The following FHOD3 variants were observed in gnomAD, a reference collection of about 807,000 sequenced individuals.
FHOD3 encodes formin homology 2 domain containing 3.
FHOD3 carries 90 observed loss-of-function variants against 173.0 expected under a neutral mutation model. That is an observed-to-expected ratio of 0.52 (90% CI 0.44 to 0.62). The LOEUF (loss-of-function observed/expected upper bound fraction) is 0.62, where lower values mean the gene tolerates loss of function less well. FHOD3 is among the 20% of genes least tolerant of loss of function. FHOD3 has a pLI of 0.00. For missense variants in FHOD3, 1,945 were observed against 2,034.7 expected, an observed-to-expected ratio of 0.96 and a Z score of 0.85; for synonymous variants, 828 against 823.0, an observed-to-expected ratio of 1.01 and a Z score of -0.10.
chr18:36,754,974 T>TC lies in FHOD3; in HGVS notation c.4233-144dup, dbSNP rs1363782690. The stretch of plus-strand genomic sequence containing the variant: ...TTACTGAGAGTGTGGCTTGTTGGTT[T>TC]CTTTATTATTATTATTATTATTATT... On this transcript the variant is annotated intron_variant, in intron 24 of 28. Coordinates refer to ENST00000590592, the MANE Select transcript of FHOD3 (RefSeq NM_001281740.3). The TC allele has an allele frequency of 6.5e-4, 126 of 193,114 alleles. 1 individual carries two copies. Among genetic ancestry groups the TC allele is most frequent in the African/African-American group, 3.6e-3 (116 of 32,554 alleles). 12.0% of individuals were successfully genotyped at this position (193,114 alleles called of 1,614,324 possible). A position where few individuals can be genotyped will look rare whatever the true frequency, so the allele number is the denominator to read the frequency against.
At chr18:36,397,461 T>A (rs951689832) in intron 3 of FHOD3, among the ~76,000 whole-genome samples, 32 of 152,116 alleles carry the variant, frequency 2.1e-4, no homozygotes, top group Admixed American at 3.9e-4. Flanking sequence ...TTCTGGTTGC[T>A]TTTTTAAAGG....
At chr18:36,652,957 T>A (rs180722476) in intron 12 of FHOD3, 28 bp downstream of exon 12, 231 of 1,511,780 alleles carry the variant, frequency 1.5e-4, no homozygotes, top group Non-Finnish European at 1.7e-4. Flanking sequence ...GAGGCTTGTT[T>A]GAGATTAACT....
intron 24 of FHOD3, among the ~76,000 whole-genome samples, chr18:36,751,600 C>T (rs2042403497): frequency 6.6e-6 from 1 of 152,080 alleles, no homozygotes; most frequent in Non-Finnish European, 1.5e-5. Context: ...ATGATATTGG[C>T]TGTGGATTTG....
At chr18:36,541,612 A>C (rs80197113) in intron 5 of FHOD3, among the ~76,000 whole-genome samples, 1,884 of 152,296 alleles carry the variant, frequency 0.012, 40 homozygotes, top group African/African-American at 0.042. Context: ...ACAAGATATA[A>C]ATGTATGTGT....
chr18:36,777,805 G>A (rs1454222196), intron 28 of FHOD3: 3 of 152,202 alleles, frequency 2.0e-5, no homozygotes, highest in Non-Finnish European at 2.9e-5. Context: ...GGGGGAAAGA[G>A]GAGCTAGTGC....
intron 6 of FHOD3, among the ~76,000 whole-genome samples, chr18:36,586,357 G>T (rs2059026502): frequency 6.6e-6 from 1 of 152,156 alleles, no homozygotes; most frequent in South Asian, 2.1e-4. Flanking sequence ...AACTGGAAAA[G>T]TACCCAATCT....
chr18:36,307,155 G>A (rs1233023849), intron 1 of FHOD3, among the ~76,000 whole-genome samples: 1 of 151,964 alleles, frequency 6.6e-6, no homozygotes, highest in Non-Finnish European at 1.5e-5. Context: ...GTAGAGATGG[G>A]GTTTCACCAT....
intron 3 of FHOD3, among the ~76,000 whole-genome samples, chr18:36,406,828 T>C (rs2049099316): frequency 6.6e-6 from 1 of 152,170 alleles, no homozygotes; most frequent in African/African-American, 2.4e-5. Flanking sequence ...ACTAGGGTAC[T>C]CTCTGTGTGT....
At chr18:36,761,996 G>A (rs116430371) in intron 27 of FHOD3, among the ~76,000 whole-genome samples, 163 of 152,148 alleles carry the variant, frequency 1.1e-3, no homozygotes, top group African/African-American at 3.6e-3. Flanking sequence ...GCGCCCACCA[G>A]ACATTTTCGT....
rs370253020 is a variant in FHOD3 at position 36,565,664 on chromosome 18, A to T, written c.512-10787A>T. Among the ~76,000 whole-genome samples the T allele has an allele frequency of 9.2e-5, 14 of 152,312 alleles. No homozygotes were observed. The East Asian group carries it at 2.3e-3, about 25-fold the overall frequency. On this transcript the variant is annotated intron_variant, in intron 5 of 28. Transcript: ENST00000590592. ...TTTTCTGTACTTTTGGTAGAAATAA[A>T]TAGGAATTATTTCCAGTCACATTCT...
At chr18:36,679,933 A>G (rs2149389523) in intron 14 of FHOD3, among the ~76,000 whole-genome samples, 1 of 152,348 alleles carries the variant, frequency 6.6e-6, no homozygotes, top group Middle Eastern at 3.4e-3. Context: ...TTATATGCAT[A>G]ACAGTTTTAT....
intron 5 of FHOD3, among the ~76,000 whole-genome samples, chr18:36,555,224 A>G (rs971535878): frequency 7.2e-5 from 11 of 152,072 alleles, no homozygotes; most frequent in African/African-American, 2.4e-4. Flanking sequence ...ACATTTTGAT[A>G]TATTGTATTT....
chr18:36,731,731 A>G (rs1380559289), intron 20 of FHOD3, among the ~76,000 whole-genome samples: 2 of 152,166 alleles, frequency 1.3e-5, no homozygotes, highest in African/African-American at 4.8e-5. Context: ...AAAAGTTGAG[A>G]GTGAGGAAGG....
intron 17 of FHOD3, among the ~76,000 whole-genome samples, chr18:36,708,479 G>A (rs555509686): frequency 5.3e-5 from 8 of 152,318 alleles, no homozygotes; most frequent in East Asian, 3.9e-4. Context: ...AACAACACTC[G>A]TTTATTATCT....
chr18:36,618,978 G>C (rs915784882), intron 9 of FHOD3, among the ~76,000 whole-genome samples: 14 of 152,078 alleles, frequency 9.2e-5, no homozygotes, highest in African/African-American at 3.4e-4. Flanking sequence ...TGTCTGTGTT[G>C]TCTGTCTATA....
intron 2 of FHOD3, among the ~76,000 whole-genome samples, chr18:36,366,112 C>T (rs2046885695): frequency 6.6e-6 from 1 of 152,110 alleles, no homozygotes; most frequent in Non-Finnish European, 1.5e-5. Context: ...GAGGCACAGA[C>T]ATTAGTATAG....
intron 13 of FHOD3, among the ~76,000 whole-genome samples, chr18:36,654,602 A>C (rs1024626346): frequency 1.3e-5 from 2 of 152,208 alleles, no homozygotes; most frequent in African/African-American, 4.8e-5. Flanking sequence ...GTTTCAGTTC[A>C]AATAAGCGAG....
At chr18:36,436,304 A>G (rs1196367485) in intron 3 of FHOD3, among the ~76,000 whole-genome samples, 1 of 152,186 alleles carries the variant, frequency 6.6e-6, no homozygotes, top group African/African-American at 2.4e-5. Context: ...ATACATTTTA[A>G]TAATCAGATT....
chr18:36,548,242 G>A (rs2057495824), intron 5 of FHOD3, among the ~76,000 whole-genome samples: 1 of 152,110 alleles, frequency 6.6e-6, no homozygotes, highest in African/African-American at 2.4e-5. Flanking sequence ...AAAATCAGTT[G>A]ATAATCAACA....
Sources: allele counts gnomAD v4.1 joint callset (sites outside exome capture counted in the v4.1 genomes callset), GRCh38; gene constraint gnomAD v4.1.1; transcripts MANE v1.5; gene names NCBI Gene and HGNC (gene_info 2026-07-23, HGNC 2026-07-21).